The following AP4E1 variants were observed in gnomAD, a reference collection of about 807,000 sequenced individuals.
The protein encoded by AP4E1 is AP-4 complex subunit epsilon-1.
Under a neutral mutation model 128.2 loss-of-function variants are expected in AP4E1, and 56 were observed. That is an observed-to-expected ratio of 0.44 (90% CI 0.35 to 0.55). The LOEUF (loss-of-function observed/expected upper bound fraction) is 0.55, where lower values mean the gene tolerates loss of function less well. Among genes scored for constraint, AP4E1 ranks in the 20% least tolerant of loss-of-function variants. The pLI, the probability that AP4E1 is intolerant of heterozygous loss-of-function variation, is 0.00. For synonymous variants in AP4E1, 484 were observed against 473.1 expected (o/e 1.02, Z -0.30); for missense variants, 1,324 against 1,307.7 (o/e 1.01, Z -0.19).
Position 50,999,248 on chromosome 15 carries a change from A to G in AP4E1, c.3081A>G (p.Leu1027=), listed in dbSNP as rs1488319897. The G allele has an allele frequency of 1.2e-6, 2 of 1,610,054 alleles. No homozygotes were observed. Among genetic ancestry groups the G allele is most frequent in the South Asian group, 1.1e-5 (1 of 90,682 alleles). ...TGGAATTTTCTGTAAACTTATCACTATTAGATTTCATTAGGTAAATGTTTT... is the reference window on the plus strand; with the variant it reads ...TGGAATTTTCTGTAAACTTATCACTGTTAGATTTCATTAGGTAAATGTTTT... ...AQLEFSVNLS[L]LDFIRPLKIS... is the part of the protein sequence containing the mutation. Residue 1027 remains leucine (L), a synonymous_variant, in exon 19 of 21, where the codon CTA becomes CTG. Coordinates refer to ENST00000261842, the MANE Select transcript of AP4E1 (RefSeq NM_007347.5).
intron 13 of AP4E1, among the ~76,000 whole-genome samples, chr15:50,954,068 A>G (rs946806999): frequency 1.3e-5 from 2 of 152,352 alleles, no homozygotes; most frequent in South Asian, 2.1e-4. Flanking sequence ...CCAAATGTAT[A>G]TACAAATACA....
intron 2 of AP4E1, 68 bp downstream of exon 2, chr15:50,912,217 C>T (rs2063574395): frequency 1.5e-6 from 2 of 1,331,174 alleles, no homozygotes; most frequent in Non-Finnish European, 1.1e-6. Flanking sequence ...TCAATAGTGG[C>T]ATCTAACTGA....
chr15:50,935,610 G>T (rs765196317), intron 8 of AP4E1, among the ~76,000 whole-genome samples: 3 of 152,162 alleles, frequency 2.0e-5, no homozygotes, highest in Non-Finnish European at 2.9e-5. Flanking sequence ...AAGAGGCACT[G>T]AGAGATGTAA....
At chr15:50,929,956 C>T (rs930606106) in intron 6 of AP4E1, among the ~76,000 whole-genome samples, 1 of 151,678 alleles carries the variant, frequency 6.6e-6, no homozygotes, top group African/African-American at 2.4e-5. Context: ...ATATAATTTC[C>T]CCAGTCCAAG....
At chr15:50,954,843 C>T (rs1567233815) in intron 13 of AP4E1, among the ~76,000 whole-genome samples, 1 of 152,096 alleles carries the variant, frequency 6.6e-6, no homozygotes, top group Non-Finnish European at 1.5e-5. Context: ...ATCCCTCTGC[C>T]GTCCCCCTAC....
intron 13 of AP4E1, among the ~76,000 whole-genome samples, chr15:50,955,016 C>G (rs549762611): frequency 6.6e-6 from 1 of 152,166 alleles, no homozygotes; most frequent in Non-Finnish European, 1.5e-5. Context: ...CTACAAAGGA[C>G]GCGAACTCAT....
At chr15:50,984,448 C>A (rs1015442977) in intron 16 of AP4E1, among the ~76,000 whole-genome samples, 2 of 139,200 alleles carry the variant, frequency 1.4e-5, no homozygotes, top group Non-Finnish European at 3.1e-5. Flanking sequence ...CTAATACTAT[C>A]CCTTCCCCCT....
At chr15:50,972,938 TA>T (rs2064501225) in intron 15 of AP4E1, among the ~76,000 whole-genome samples, 1 of 152,222 alleles carries the variant, frequency 6.6e-6, no homozygotes, top group African/African-American at 2.4e-5. Context: ...TCAAGTGTAT[TA>T]GAATTCTTCG....
At chr15:50,922,877 A>G (rs2063723921) in intron 3 of AP4E1, among the ~76,000 whole-genome samples, 1 of 151,404 alleles carries the variant, frequency 6.6e-6, no homozygotes, top group Non-Finnish European at 1.5e-5. Flanking sequence ...TCCTGGGTTC[A>G]TGCCATTCTC....
intron 14 of AP4E1, among the ~76,000 whole-genome samples, chr15:50,967,748 G>A (rs995876744): frequency 6.6e-5 from 10 of 152,182 alleles, no homozygotes; most frequent in Non-Finnish European, 1.3e-4. Context: ...GATTTATATT[G>A]TTAGATTCTT....
chr15:50,959,188 G>A (rs2064276221), intron 14 of AP4E1, among the ~76,000 whole-genome samples: 1 of 150,236 alleles, frequency 6.7e-6, no homozygotes, highest in African/African-American at 2.5e-5. Flanking sequence ...TCCAGCCTGG[G>A]CAACAAGAAT....
Position 50,993,594 on chromosome 15 carries a change from TTGGTC to T in AP4E1, c.2317_2321del (p.Gly773ArgfsTer29). 2.5e-6 allele frequency: 4 copies of T among 1,614,018 alleles called. No homozygotes were observed. The highest frequency in any genetic ancestry group is 3.4e-6 in the Non-Finnish European group (4 of 1,179,908). On this transcript the variant is annotated frameshift_variant, in exon 17 of 21. Coordinates refer to ENST00000261842, the MANE Select transcript of AP4E1 (RefSeq NM_007347.5). LOFTEE classifies it high-confidence loss of function. ...CAGCTGCTGGCATCATCATTATTTG[TTGGTC>T]TAGGATCAGAAAGTACAATCAACCT...
At chr15:50,911,861 G>T (rs1193769938) in intron 1 of AP4E1, among the ~76,000 whole-genome samples, 1 of 152,158 alleles carries the variant, frequency 6.6e-6, no homozygotes, top group Admixed American at 6.5e-5. Context: ...AGGAAGGATG[G>T]GTTAGCCTGG....
At chr15:50,943,302 A>T (rs1019141996) in intron 10 of AP4E1, among the ~76,000 whole-genome samples, 1 of 152,194 alleles carries the variant, frequency 6.6e-6, no homozygotes, top group Non-Finnish European at 1.5e-5. Context: ...TAAGAATAGG[A>T]GAGTTTATTG....
In AP4E1 at chr15:50,995,246, C is replaced by T. The variant is rs1020140381; in HGVS notation, c.2346+1621C>T. Reference sequence around the variant, plus strand: ...CCCTACTGATTTTTCTTACGTTTAGCGTTCTCAGTTTCATACATCAAGGCT... The same window carrying T: ...CCCTACTGATTTTTCTTACGTTTAGTGTTCTCAGTTTCATACATCAAGGCT... On this transcript the variant is annotated intron_variant, in intron 17 of 20. Coordinates refer to ENST00000261842, the MANE Select transcript of AP4E1 (RefSeq NM_007347.5). Among the ~76,000 whole-genome samples, 4 of 152,164 alleles carry T rather than the reference C, an allele frequency of 2.6e-5. No individual in the cohort carries two copies. In the East Asian group the frequency reaches 5.8e-4, roughly 22 times the overall value.
chr15:50,957,394 C>T (rs1202924234), intron 13 of AP4E1, among the ~76,000 whole-genome samples: 1 of 152,126 alleles, frequency 6.6e-6, no homozygotes, highest in Non-Finnish European at 1.5e-5. Flanking sequence ...GCTTCTTCCT[C>T]TATGCTGGCT....
chr15:50,986,203 T>G (rs2064720842), intron 16 of AP4E1, among the ~76,000 whole-genome samples: 1 of 152,298 alleles, frequency 6.6e-6, no homozygotes, highest in South Asian at 2.1e-4. Flanking sequence ...TAAGGAGATT[T>G]TGGGCTGAGA....
In AP4E1 at chr15:51,001,034, A is replaced by C. The variant is rs1236605969; in HGVS notation, c.3104A>C (p.Lys1035Thr). 6.2e-7 allele frequency: 1 copy of C among 1,611,452 alleles called. No homozygotes were observed. Reference protein sequence around the residue: ...LSLLDFIRPLKISSDDFGKLW... With the variant: ...LSLLDFIRPLTISSDDFGKLW... ...TTAAAAATTATTTTCAGACCATTAAAAATCTCAAGTGACGACTTTGGGAAA... is the reference window on the plus strand; with the variant it reads ...TTAAAAATTATTTTCAGACCATTAACAATCTCAAGTGACGACTTTGGGAAA... Residue 1035 changes from lysine to threonine, a missense_variant, in exon 20 of 21, where the codon AAA becomes ACA. Physicochemically the swap from Lys to Thr is moderately conservative, Grantham distance 78. Coordinates refer to ENST00000261842, the MANE Select transcript of AP4E1 (RefSeq NM_007347.5).
chr15:50,909,310 C>A (rs555225668), intron 1 of AP4E1, among the ~76,000 whole-genome samples: 1 of 152,290 alleles, frequency 6.6e-6, no homozygotes, highest in African/African-American at 2.4e-5. Flanking sequence ...ATGGAAGTGT[C>A]AGACATTATT....
Sources: allele counts gnomAD v4.1 joint callset (sites outside exome capture counted in the v4.1 genomes callset), GRCh38; gene constraint gnomAD v4.1.1; transcripts MANE v1.5; gene names NCBI Gene and HGNC (gene_info 2026-07-23, HGNC 2026-07-21).